Variants in GPC6 observed in about 807,000 individuals in gnomAD.
The protein encoded by GPC6 is glypican-6.
Under a neutral mutation model 55.2 loss-of-function variants are expected in GPC6, and 14 were observed. The ratio of observed to expected loss-of-function variants is 0.25; its 90% CI spans 0.17 to 0.40. The LOEUF is 0.40. Ranked by LOEUF, GPC6 falls within the 10% of genes least tolerant of loss-of-function variation. The pLI is 1.00. For missense variants in GPC6, 641 were observed against 708.5 expected (o/e 0.90, Z 1.08); for synonymous variants, 278 against 259.6 (o/e 1.07, Z -0.68).
intron 3 of GPC6, among the ~76,000 whole-genome samples, chr13:93,860,024 T>C (rs1180280414): frequency 6.6e-6 from 1 of 151,718 alleles, no homozygotes; most frequent in African/African-American, 2.4e-5. Context: ...CTACTTCCTC[T>C]CACCTTATGG....
chr13:93,524,643 A>G lies in GPC6; in HGVS notation c.161-20620A>G, dbSNP rs563799199. ...TATAATTCTTAGTTTTTGAGACACT[A>G]TTGTCAACATTGAGACTTCTGTACC... is the stretch of plus-strand genomic sequence containing the variant. On this transcript the variant is annotated intron_variant, in intron 1 of 8. Transcript: ENST00000377047. Among the ~76,000 whole-genome samples, 4 of 152,182 alleles carry G rather than the reference A, an allele frequency of 2.6e-5. No individual in the cohort carries two copies. The East Asian group carries it at 5.8e-4, about 22-fold the overall frequency.
At chr13:94,317,963 C>T (rs947618010) in intron 6 of GPC6, among the ~76,000 whole-genome samples, 6 of 152,044 alleles carry the variant, frequency 3.9e-5, no homozygotes, top group Non-Finnish European at 7.4e-5. Flanking sequence ...CAATTATTTA[C>T]CAAATTGTAG....
chr13:93,802,634 G>A (rs1452303456), intron 2 of GPC6, among the ~76,000 whole-genome samples: 1 of 151,938 alleles, frequency 6.6e-6, no homozygotes, highest in Non-Finnish European at 1.5e-5. Flanking sequence ...TGAACTCCTG[G>A]GCTCAAGTGA....
intron 4 of GPC6, among the ~76,000 whole-genome samples, chr13:94,085,910 T>G (rs752427461): frequency 2.4e-4 from 36 of 152,200 alleles, no homozygotes; most frequent in Admixed American, 3.3e-4. Flanking sequence ...TGACTTCAAT[T>G]TATATAATAT....
At chr13:94,275,285 A>G (rs947588585) in intron 4 of GPC6, among the ~76,000 whole-genome samples, 1 of 152,154 alleles carries the variant, frequency 6.6e-6, no homozygotes, top group African/African-American at 2.4e-5. Context: ...GCTATGAAGA[A>G]TCAAGCAATG....
chr13:93,883,725 C>G (rs1476903511), intron 3 of GPC6, among the ~76,000 whole-genome samples: 1 of 151,910 alleles, frequency 6.6e-6, no homozygotes, highest in Non-Finnish European at 1.5e-5. Flanking sequence ...TAATTTTGAC[C>G]CAACTATGGT....
chr13:93,880,775 G>T (rs1358618364), intron 3 of GPC6, among the ~76,000 whole-genome samples: 1 of 151,706 alleles, frequency 6.6e-6, no homozygotes, highest in Non-Finnish European at 1.5e-5. Flanking sequence ...TGACTAATAA[G>T]AGAAAAGGTG....
intron 3 of GPC6, among the ~76,000 whole-genome samples, chr13:93,859,177 TA>T (rs1308014344): frequency 2.0e-5 from 3 of 151,658 alleles, no homozygotes; most frequent in African/African-American, 7.3e-5. Context: ...TCTTAGGTCT[TA>T]AGCACTTTCT....
chr13:94,388,654 C>A (rs750417814), intron 7 of GPC6, among the ~76,000 whole-genome samples: 12 of 152,164 alleles, frequency 7.9e-5, no homozygotes. Context: ...TCTCATAGTT[C>A]TAGAGGCTGG....
chr13:94,111,515 CTTCTTAATTTAAAAAAACTCTAT>C, intron 4 of GPC6, among the ~76,000 whole-genome samples: 1 of 147,456 alleles, frequency 6.8e-6, no homozygotes, highest in African/African-American at 2.5e-5. Context: ...TAATAATAAA[CTTCTTAATTTAAAAAAACTCTAT>C]TTACTCATGG....
At chr13:94,159,936 A>C (rs1888095455) in intron 4 of GPC6, among the ~76,000 whole-genome samples, 1 of 152,122 alleles carries the variant, frequency 6.6e-6, no homozygotes, top group South Asian at 2.1e-4. Flanking sequence ...TATCTCATCC[A>C]CTAGCCTACC....
chr13:94,070,877 G>A (rs895789957), intron 4 of GPC6, among the ~76,000 whole-genome samples: 2 of 152,140 alleles, frequency 1.3e-5, no homozygotes, highest in Admixed American at 1.3e-4. Flanking sequence ...ACTCTGCTAA[G>A]ACATCACTGA....
intron 2 of GPC6, among the ~76,000 whole-genome samples, chr13:93,677,289 C>T (rs1463929453): frequency 6.6e-6 from 1 of 152,086 alleles, no homozygotes; most frequent in East Asian, 1.9e-4. Context: ...AATTGTGTAT[C>T]GTTCTTCTTA....
chr13:93,784,525 A>G (rs1176405883), intron 2 of GPC6, among the ~76,000 whole-genome samples: 1 of 152,156 alleles, frequency 6.6e-6, no homozygotes, highest in Non-Finnish European at 1.5e-5. Flanking sequence ...ACTCCCCACT[A>G]AAGCACCTAG....
intron 6 of GPC6, among the ~76,000 whole-genome samples, chr13:94,333,018 G>A (rs554227464): frequency 6.6e-6 from 1 of 152,200 alleles, no homozygotes; most frequent in Admixed American, 6.5e-5. Flanking sequence ...GAGGGATTTA[G>A]AGATGAAATT....
chr13:94,315,236 G>A (rs1433784821), intron 6 of GPC6, among the ~76,000 whole-genome samples: 2 of 152,206 alleles, frequency 1.3e-5, no homozygotes, highest in Non-Finnish European at 2.9e-5. Flanking sequence ...GATCTCTGTA[G>A]AAGCTTTTCC....
intron 2 of GPC6, among the ~76,000 whole-genome samples, chr13:93,747,238 C>T (rs905975177): frequency 3.9e-5 from 6 of 152,132 alleles, no homozygotes; most frequent in African/African-American, 1.4e-4. Context: ...AGGCCTTTGC[C>T]ACTATCAGCA....
intron 2 of GPC6, among the ~76,000 whole-genome samples, chr13:93,643,540 G>A (rs1253983276): frequency 6.6e-6 from 1 of 152,058 alleles, no homozygotes; most frequent in Non-Finnish European, 1.5e-5. Context: ...AAGGATAAAG[G>A]AAAGTAAGAG....
chr13:94,205,681 T>G (rs1012370939), intron 4 of GPC6, among the ~76,000 whole-genome samples: 2 of 152,186 alleles, frequency 1.3e-5, no homozygotes, highest in Non-Finnish European at 1.5e-5. Flanking sequence ...ATCTTCTAAG[T>G]CTCATCTTAA....
Sources: allele counts gnomAD v4.1 joint callset (sites outside exome capture counted in the v4.1 genomes callset), GRCh38; gene constraint gnomAD v4.1.1; transcripts MANE v1.5; gene names NCBI Gene and HGNC (gene_info 2026-07-23, HGNC 2026-07-21).